The following CINP variants were observed in gnomAD, a reference collection of about 807,000 sequenced individuals.
The protein encoded by CINP is cyclin dependent kinase 2 interacting protein.
Under a neutral mutation model 20.5 loss-of-function variants are expected in CINP, and 11 were observed. The ratio of observed to expected loss-of-function variants is 0.54; its 90% CI spans 0.34 to 0.89. CINP has a LOEUF of 0.89. CINP is among the 40% of genes least tolerant of loss of function. The probability of loss-of-function intolerance (pLI) is 0.02; values close to 1 mark genes in which losing one functional copy is unlikely to be tolerated. For missense variants in CINP, 213 were observed against 251.0 expected (o/e 0.85, Z 1.02); for synonymous variants, 108 against 102.1 (o/e 1.06, Z -0.35).
At chr14:102,355,429 C>T (rs566326621) in intron 3 of CINP, 55 of 185,044 alleles carry the variant, frequency 3.0e-4, no homozygotes, top group Non-Finnish European at 5.7e-4. Flanking sequence ...ACAGGAGAAT[C>T]GCTTGAGCCC....
intron 1 of CINP, among the ~76,000 whole-genome samples, chr14:102,362,050 A>G (rs1440504869): frequency 6.6e-6 from 1 of 152,200 alleles, no homozygotes; most frequent in African/African-American, 2.4e-5. Flanking sequence ...CCTTCCACAC[A>G]TAGGAGGCTT....
chr14:102,355,703 A>G (rs1886982912), intron 3 of CINP, 65 bp downstream of exon 3: 2 of 1,587,070 alleles, frequency 1.3e-6, no homozygotes, highest in Non-Finnish European at 1.7e-6. Context: ...GGTCAAGCAA[A>G]CCCCAAATAC....
intron 1 of CINP, 28 bp downstream of exon 1, chr14:102,362,817 C>T: frequency 1.9e-6 from 3 of 1,613,914 alleles, no homozygotes; most frequent in Non-Finnish European, 2.5e-6. Context: ...AGCCACCCCA[C>T]CCCGGGAAAG....
chr14:102,353,721 C>G (rs1886926986), intron 3 of CINP, among the ~76,000 whole-genome samples: 1 of 152,140 alleles, frequency 6.6e-6, no homozygotes, highest in Non-Finnish European at 1.5e-5. Context: ...GAGAAACTGT[C>G]ACGGCCAAAA....
rs1886788253 is a variant in CINP, at chr14:102,348,368, C to T, written c.*189G>A. 4 of 592,386 alleles carry T rather than the reference C, an allele frequency of 6.8e-6. No homozygotes were observed. The highest frequency in any genetic ancestry group is 3.0e-5 in the Admixed American group (1 of 32,938). 36.7% of individuals were successfully genotyped at this position (592,386 alleles called of 1,614,324 possible). On this transcript the variant is annotated 3_prime_UTR_variant, in exon 5 of 5. Transcript: ENST00000216756. The stretch of plus-strand genomic sequence containing the variant: ...GGGCAGAGAAGGCTGAGCAGCACCA[C>T]GTGGGGCTGGCCGCGGGTTGTGGGC...
intron 2 of CINP, 104 bp downstream of exon 2, chr14:102,359,315 A>T: frequency 1.4e-6 from 1 of 701,806 alleles, no homozygotes; most frequent in Non-Finnish European, 2.2e-6. Flanking sequence ...TCATCTTACC[A>T]CTTGCTTTTT....
At chr14:102,352,010 A>G (rs1886880966) in intron 3 of CINP, among the ~76,000 whole-genome samples, 3 of 151,982 alleles carry the variant, frequency 2.0e-5, no homozygotes, top group African/African-American at 7.3e-5. Flanking sequence ...TCAGCCTCCC[A>G]AGTAGCTGGG....
intron 2 of CINP, among the ~76,000 whole-genome samples, chr14:102,358,407 G>A (rs1319749527): frequency 1.2e-4 from 18 of 152,228 alleles, no homozygotes; most frequent in African/African-American, 4.3e-4. Flanking sequence ...ATGGCTGGGC[G>A]CAGTGGCTCA....
rs762408313 is a variant in CINP, at chr14:102,348,665, G to A, written c.531C>T (p.Asp177=). 6.2e-7 allele frequency: 1 copy of A among 1,614,074 alleles called. No individual in the cohort carries two copies. Among genetic ancestry groups the A allele is most frequent in the Non-Finnish European group, 8.5e-7 (1 of 1,179,978 alleles). ...AKELAHTGDP[D]LTLSYLSMWL... is the part of the protein sequence containing the mutation. Reference sequence around the variant, plus strand: ...ACATGGACAGGTAGCTCAGGGTGAGGTCGGGATCCCCGGTGTGGGCAAGCT... The same window carrying A: ...ACATGGACAGGTAGCTCAGGGTGAGATCGGGATCCCCGGTGTGGGCAAGCT... The change falls in exon 5 of 5, where the codon GAC becomes GAT. Residue 177 remains aspartate (D), a synonymous_variant. Coordinates refer to ENST00000216756, the MANE Select transcript of CINP (RefSeq NM_032630.3).
intron 3 of CINP, 149 bp from the exon 4 acceptor site, chr14:102,350,197 T>G: frequency 1.6e-6 from 1 of 644,774 alleles, no homozygotes; most frequent in East Asian, 3.1e-5. Context: ...GTACAGCAAA[T>G]TCCCAGGGAG....
In CINP at chr14:102,362,841, G is replaced by T; in HGVS notation, c.7+4C>A. On this transcript the variant is annotated splice_donor_region_variant and intron_variant, in intron 1 of 4. Transcript: ENST00000216756. ...ACCCCGGGAAAGGAACCGATCTCAC[G>T]CACCTTCCATAAGGTCCACAGATAT... 2.5e-6 allele frequency: 4 copies of T among 1,614,024 alleles called. No homozygotes were observed. The highest frequency in any genetic ancestry group is 3.4e-6 in the Non-Finnish European group (4 of 1,179,936).
At chr14:102,357,934 A>G (rs1324251327) in intron 2 of CINP, among the ~76,000 whole-genome samples, 2 of 152,242 alleles carry the variant, frequency 1.3e-5, no homozygotes, top group African/African-American at 2.4e-5. Context: ...CAGGCTTCAA[A>G]GCTTCAAGAG....
chr14:102,354,597 A>C (rs999678019), intron 3 of CINP, among the ~76,000 whole-genome samples: 8 of 151,886 alleles, frequency 5.3e-5, no homozygotes, highest in African/African-American at 1.9e-4. Context: ...TCTCTACTAA[A>C]AATACAACAA....
rs752928862 is a variant in CINP at position 102,351,947 on chromosome 14, C to T, written c.307-1899G>A. On this transcript the variant is annotated intron_variant, in intron 3 of 4. Transcript: ENST00000216756. The surrounding 1 kb of genome is among the most constrained non-coding windows in gnomAD (Gnocchi z 4.2). ...TCACCCAGGCTGGAGTGCAGTGGCG[C>T]GATCTCCGCTCACTGCAACCTCCGC... Among the ~76,000 whole-genome samples, 6 of 152,000 alleles carry T rather than the reference C, an allele frequency of 3.9e-5. No homozygotes were observed. The highest frequency in any genetic ancestry group is 6.6e-5 in the Admixed American group (1 of 15,258).
chr14:102,352,620 A>T (rs957890166), intron 3 of CINP: 8 of 444,334 alleles, frequency 1.8e-5, no homozygotes, highest in African/African-American at 1.6e-4. Context: ...TTGGTTTTGA[A>T]CATAGAATGA....
At chr14:102,350,383 C>CTT (rs560628640) in intron 3 of CINP, among the ~76,000 whole-genome samples, 6 of 140,650 alleles carry the variant, frequency 4.3e-5, no homozygotes, top group Non-Finnish European at 4.7e-5. Context: ...CTCTTGCTGC[C>CTT]TTTTTTTTTT....
intron 2 of CINP, among the ~76,000 whole-genome samples, chr14:102,357,398 A>AAAAAAG (rs1278444388): frequency 1.3e-4 from 19 of 151,786 alleles, no homozygotes; most frequent in African/African-American, 4.4e-4. Context: ...AAAAAAAAAA[A>AAAAAAG]AAAAGCTAAG....
chr14:102,350,731 T>C (rs770312137), intron 3 of CINP, among the ~76,000 whole-genome samples: 8 of 149,970 alleles, frequency 5.3e-5, no homozygotes, highest in African/African-American at 1.0e-4. Context: ...CTCTCTCTCT[T>C]TTATCAAATG....
At chr14:102,360,022 A>G (rs1473704324) in intron 1 of CINP, among the ~76,000 whole-genome samples, 1 of 152,242 alleles carries the variant, frequency 6.6e-6, no homozygotes, top group African/African-American at 2.4e-5. Context: ...AGCGTGGCCC[A>G]TGAGTGCTAA....
Sources: allele counts gnomAD v4.1 joint callset (sites outside exome capture counted in the v4.1 genomes callset), GRCh38; gene constraint gnomAD v4.1.1; non-coding constraint Gnocchi (gnomAD v3.1); transcripts MANE v1.5; gene names NCBI Gene and HGNC (gene_info 2026-07-23, HGNC 2026-07-21).